POFUT3: variants seen among roughly 807,000 people sequenced by gnomAD.
POFUT3 encodes the protein protein O-fucosyltransferase 3.
chr8:33,404,120 C>T, the POFUT3 span, among the ~76,000 whole-genome samples: 1 of 152,164 alleles, frequency 6.6e-6, no homozygotes, highest in East Asian at 1.9e-4. Context: ...GGCAGATCAC[C>T]CAAGGTCAGG....
chr8:33,362,606 C>A, the POFUT3 span, among the ~76,000 whole-genome samples: 1 of 148,824 alleles, frequency 6.7e-6, no homozygotes, highest in Non-Finnish European at 1.5e-5. Flanking sequence ...AAAAAAAAAA[C>A]CAGGGGTTGC....
At chr8:33,465,890 G>C in the POFUT3 span, among the ~76,000 whole-genome samples, 2 of 152,148 alleles carry the variant, frequency 1.3e-5, no homozygotes, top group African/African-American at 4.8e-5. Context: ...GAAAAGTACA[G>C]AAATAATCAG....
chr8:33,314,622 G>A, the POFUT3 span, among the ~76,000 whole-genome samples: 1 of 152,188 alleles, frequency 6.6e-6, no homozygotes, highest in Non-Finnish European at 1.5e-5. Flanking sequence ...CCATGTACGT[G>A]TTAGCTTCCA....
chr8:33,325,915 C>A, the POFUT3 span, among the ~76,000 whole-genome samples: 18 of 152,230 alleles, frequency 1.2e-4, no homozygotes, highest in South Asian at 3.7e-3. Flanking sequence ...CTGTACACAC[C>A]CCGCGCCCAC....
the POFUT3 span, among the ~76,000 whole-genome samples, chr8:33,400,438 G>A: frequency 3.9e-5 from 6 of 151,938 alleles, no homozygotes; most frequent in Middle Eastern, 3.4e-3. Flanking sequence ...GGGTGACAAA[G>A]TGAAAATCTG....
chr8:33,447,225 G>A, the POFUT3 span, among the ~76,000 whole-genome samples: 3 of 152,096 alleles, frequency 2.0e-5, no homozygotes, highest in African/African-American at 7.2e-5. Context: ...CGAGGTGGGA[G>A]GATCACGAGG....
chr8:33,461,322 A>G, the POFUT3 span: 1 of 1,548,238 alleles, frequency 6.5e-7, no homozygotes, highest in Non-Finnish European at 8.7e-7. Flanking sequence ...GGGTAGGGGG[A>G]CATGGCAAAG....
chr8:33,400,810 G>A, the POFUT3 span, among the ~76,000 whole-genome samples: 3 of 152,094 alleles, frequency 2.0e-5, no homozygotes, highest in East Asian at 3.9e-4. Context: ...CATTAAGACC[G>A]TAAGCAACAC....
chr8:33,351,706 C>A, the POFUT3 span, among the ~76,000 whole-genome samples: 112 of 151,932 alleles, frequency 7.4e-4, no homozygotes, highest in Non-Finnish European at 1.1e-3. Context: ...TTCTTTGTAG[C>A]AACACAAAAG....
At chr8:33,380,063 C>T in the POFUT3 span, among the ~76,000 whole-genome samples, 133 of 47,818 alleles carry the variant, frequency 2.8e-3, 12 homozygotes, top group African/African-American at 0.012. Flanking sequence ...TATATATATA[C>T]ACTATATATA....
chr8:33,404,430 T>C, the POFUT3 span, among the ~76,000 whole-genome samples: 1 of 151,920 alleles, frequency 6.6e-6, no homozygotes, highest in African/African-American at 2.4e-5. Flanking sequence ...TGTGCTTGGA[T>C]AGGTGAGTTC....
chr8:33,400,481 A>C, the POFUT3 span, among the ~76,000 whole-genome samples: 1 of 151,916 alleles, frequency 6.6e-6, no homozygotes, highest in Non-Finnish European at 1.5e-5. Flanking sequence ...ATAAAAATAA[A>C]ATATAAAATA....
At chr8:33,387,747 T>A in the POFUT3 span, among the ~76,000 whole-genome samples, 3 of 152,054 alleles carry the variant, frequency 2.0e-5, no homozygotes, top group Admixed American at 6.6e-5. Context: ...GAGGTTGCAG[T>A]GAGCTGAGAT....
chr8:33,400,398 A>C, the POFUT3 span, among the ~76,000 whole-genome samples: 1 of 152,144 alleles, frequency 6.6e-6, no homozygotes, highest in Admixed American at 6.5e-5. Context: ...GGTTGCAGTG[A>C]GGCAAGATCG....
the POFUT3 span, among the ~76,000 whole-genome samples, chr8:33,435,340 C>A: frequency 6.6e-6 from 1 of 151,628 alleles, no homozygotes; most frequent in Non-Finnish European, 1.5e-5. Context: ...GCCTCAGCCT[C>A]CCAAGTAGCT....
At chr8:33,318,001 G>A in the POFUT3 span, among the ~76,000 whole-genome samples, 1 of 152,000 alleles carries the variant, frequency 6.6e-6, no homozygotes, top group Non-Finnish European at 1.5e-5. Context: ...CAAATGTCTG[G>A]TGAATAAAAT....
the POFUT3 span, among the ~76,000 whole-genome samples, chr8:33,419,312 T>G: frequency 6.6e-6 from 1 of 152,318 alleles, no homozygotes; most frequent in Admixed American, 6.5e-5. Context: ...AGGGACTGGT[T>G]TCATGGAAGA....
At chr8:33,402,366 C>T in the POFUT3 span, among the ~76,000 whole-genome samples, 1 of 152,196 alleles carries the variant, frequency 6.6e-6, no homozygotes, top group South Asian at 2.1e-4. Context: ...CTTTGTGATA[C>T]ATTTGACCTC....
chr8:33,380,232 A>AC, the POFUT3 span, among the ~76,000 whole-genome samples: 11 of 82,994 alleles, frequency 1.3e-4, no homozygotes, highest in African/African-American at 8.8e-4. Flanking sequence ...TATATATACT[A>AC]TATATATATA....
Sources: gnomAD v4.1 joint callset for allele counts (sites outside exome capture counted in the v4.1 genomes callset) on GRCh38, gnomAD v4.1.1 for gene constraint, MANE v1.5 for transcripts, NCBI Gene and HGNC (gene_info 2026-07-23, HGNC 2026-07-21) for gene names.